Variants in IMPA1 observed in about 807,000 individuals in gnomAD.
The protein encoded by IMPA1 is inositol monophosphatase 1.
Under a neutral mutation model 34.9 loss-of-function variants are expected in IMPA1, and 21 were observed. The ratio of observed to expected loss-of-function variants is 0.60; its 90% CI spans 0.43 to 0.87. The LOEUF (loss-of-function observed/expected upper bound fraction) is 0.87. Ranked by LOEUF, IMPA1 falls within the 40% of genes least tolerant of loss-of-function variation. The pLI is 0.00. For synonymous variants in IMPA1, 95 were observed against 104.4 expected, an observed-to-expected ratio of 0.91 and a Z score of 0.55; for missense variants, 299 against 336.4, an observed-to-expected ratio of 0.89 and a Z score of 0.87.
intron 1 of IMPA1, among the ~76,000 whole-genome samples, chr8:81,683,298 C>T (rs1585905289): frequency 6.6e-6 from 1 of 152,248 alleles, no homozygotes; most frequent in African/African-American, 2.4e-5. Flanking sequence ...ATTGTGGCTA[C>T]TCAACAGAAG....
Position 81,670,954 on chromosome 8 carries a change from CA to C in IMPA1, c.550del (p.Cys184AlafsTer52). 2.0e-6 allele frequency: 3 copies of C among 1,521,414 alleles called. No individual in the cohort carries two copies. Among genetic ancestry groups the C allele is most frequent in the South Asian group, 1.3e-5 (1 of 76,142 alleles). The allele number at this position is 1,521,414 out of a possible 1,614,324, so 94.2% of individuals were successfully genotyped here. A position where few individuals can be genotyped will look rare whatever the true frequency, so the allele number is the denominator to read the frequency against. ...AAGAGCTTACCCATGAACAGGAATG[CA>C]AAAAAGCTTTTCCATATTAGAAAGA... ...MVLSNMEKLFCIPVHGIRSVG... is the reference protein window; with the variant it reads ...MVLSNMEKLFXIPVHGIRSVG... On this transcript the variant is annotated frameshift_variant, in exon 7 of 9. Transcript: ENST00000256108. LOFTEE classifies it high-confidence loss of function.
chr8:81,682,506 AC>A (rs1300198396), intron 1 of IMPA1, among the ~76,000 whole-genome samples: 1 of 152,256 alleles, frequency 6.6e-6, no homozygotes, highest in South Asian at 2.1e-4. Context: ...AAAGACCCAC[AC>A]GCTAAATTTC....
At chr8:81,678,638 G>A (rs1297238501) in intron 4 of IMPA1, 4 of 191,498 alleles carry the variant, frequency 2.1e-5, no homozygotes, top group South Asian at 1.4e-4. Flanking sequence ...GTTGCAGTGA[G>A]CCAAGACTGC....
At chr8:81,663,631 A>C (rs1585889059) in intron 7 of IMPA1, among the ~76,000 whole-genome samples, 1 of 152,236 alleles carries the variant, frequency 6.6e-6, no homozygotes, top group East Asian at 1.9e-4. Context: ...TTCACAAAGA[A>C]AAAGACAGAA....
At chr8:81,682,451 G>C (rs1807328658) in intron 1 of IMPA1, among the ~76,000 whole-genome samples, 1 of 152,076 alleles carries the variant, frequency 6.6e-6, no homozygotes. Flanking sequence ...CTCCTATCTT[G>C]GGGCCCACAT....
rs1163631704 is a variant in IMPA1 at position 81,658,544 on chromosome 8, G to A, written c.*807C>T. 2 of 152,436 alleles carry A rather than the reference G, an allele frequency of 1.3e-5. No homozygotes were observed. Among genetic ancestry groups the A allele is most frequent in the Non-Finnish European group, 2.9e-5 (2 of 67,988 alleles). 9.4% of individuals were successfully genotyped at this position (152,436 alleles called of 1,614,324 possible). A position where few individuals can be genotyped will look rare whatever the true frequency, so the allele number is the denominator to read the frequency against. On this transcript the variant is annotated 3_prime_UTR_variant, in exon 9 of 9. Transcript: ENST00000256108. ...GAGAGTGCTTTTTATTATAGAAATA[G>A]TTTCTTCTCTCTTACACAAGACTTT...
In IMPA1 at chr8:81,684,239, CATAAGT is replaced by C. The variant is rs1436620556; in HGVS notation, c.-25+2007_-25+2012del. The stretch of plus-strand genomic sequence containing the variant: ...TACTATATATAGTATATATACCATA[CATAAGT>C]ATATTTAGATACTATATATAGTATA... On this transcript the variant is annotated intron_variant, in intron 1 of 8. Transcript: ENST00000256108. Among the ~76,000 whole-genome samples the C allele has an allele frequency of 2.1e-5, 3 of 142,454 alleles. No homozygotes were observed. In the East Asian group the frequency reaches 6.0e-4, roughly 28 times the overall value. The allele number at this position is 142,454 out of a possible 152,430, so 93.5% of individuals were successfully genotyped here. A position where few individuals can be genotyped will look rare whatever the true frequency, so the allele number is the denominator to read the frequency against.
At chr8:81,686,018 G>A in intron 1 of IMPA1, 2 of 1,318,834 alleles carry the variant, frequency 1.5e-6, no homozygotes, top group South Asian at 1.6e-5. Context: ...AGCCGCCACA[G>A]AGGTTAAGTG....
chr8:81,671,822 G>A (rs953893851), intron 6 of IMPA1, among the ~76,000 whole-genome samples: 2 of 152,102 alleles, frequency 1.3e-5, no homozygotes, highest in Non-Finnish European at 2.9e-5. Context: ...GCTTAAACCC[G>A]GGAGGCGGAG....
chr8:81,663,639 G>T (rs966740921), intron 7 of IMPA1, among the ~76,000 whole-genome samples: 1 of 152,174 alleles, frequency 6.6e-6, no homozygotes, highest in African/African-American at 2.4e-5. Flanking sequence ...GAAAAAGACA[G>T]AAATAGTAGG....
chr8:81,670,886 T>C (rs80087492), intron 7 of IMPA1, 53 bp downstream of exon 7: 42,334 of 867,360 alleles, frequency 0.049, 1,305 homozygotes, highest in Middle Eastern at 0.092. Context: ...AAAAGGTGTG[T>C]GCACACACAC....
rs1806556218 is a variant in IMPA1 at position 81,657,668 on chromosome 8, C to G, written c.*1683G>C. Among the ~76,000 whole-genome samples, 1 of 151,982 alleles carries G rather than the reference C, an allele frequency of 6.6e-6. No individual in the cohort carries two copies. The highest frequency in any genetic ancestry group is 2.4e-5 in the African/African-American group (1 of 41,374). On this transcript the variant is annotated 3_prime_UTR_variant, in exon 9 of 9. Coordinates refer to ENST00000256108, the MANE Select transcript of IMPA1 (RefSeq NM_005536.4). Reference sequence around the variant, plus strand: ...AATATCATGGCCTGGCTCGGTGGCTCACATCTGTAATCCCAGCACTTTGGG... The same window carrying G: ...AATATCATGGCCTGGCTCGGTGGCTGACATCTGTAATCCCAGCACTTTGGG...
At chr8:81,685,277 GTATA>G (rs1220236834) in intron 1 of IMPA1, among the ~76,000 whole-genome samples, 1 of 127,202 alleles carries the variant, frequency 7.9e-6, no homozygotes, top group Non-Finnish European at 1.6e-5. Context: ...ACTATATATA[GTATA>G]TATAGTATAT....
intron 1 of IMPA1, among the ~76,000 whole-genome samples, chr8:81,682,807 A>G (rs887253765): frequency 2.6e-5 from 4 of 152,164 alleles, no homozygotes; most frequent in Non-Finnish European, 5.9e-5. Flanking sequence ...AGCTACTTCT[A>G]GGGATTCTCC....
intron 5 of IMPA1, chr8:81,674,709 C>T: frequency 5.0e-6 from 2 of 401,978 alleles, no homozygotes; most frequent in Admixed American, 3.1e-5. Flanking sequence ...TTTCTTCCTT[C>T]TCCCATTGCT....
At chr8:81,671,712 A>G (rs11988984) in intron 6 of IMPA1, among the ~76,000 whole-genome samples, 92 of 152,158 alleles carry the variant, frequency 6.0e-4, no homozygotes, top group African/African-American at 2.1e-3. Context: ...CCTGGCCAAC[A>G]TGGTGAAACC....
chr8:81,672,225 A>G (rs1807007842), intron 6 of IMPA1, among the ~76,000 whole-genome samples: 1 of 152,244 alleles, frequency 6.6e-6, no homozygotes, highest in Admixed American at 6.5e-5. Flanking sequence ...TCAATGTGCA[A>G]ACTGTGGAAA....
intron 7 of IMPA1, among the ~76,000 whole-genome samples, chr8:81,665,462 A>C (rs891016861): frequency 4.6e-5 from 7 of 152,176 alleles, no homozygotes; most frequent in Non-Finnish European, 1.0e-4. Flanking sequence ...AATAAAAGAA[A>C]GAAGTAAAAA....
chr8:81,662,639 A>G (rs1219157558), intron 7 of IMPA1, among the ~76,000 whole-genome samples: 1 of 152,172 alleles, frequency 6.6e-6, no homozygotes, highest in African/African-American at 2.4e-5. Flanking sequence ...GATGTCACAA[A>G]GATTTGAGTT....
Sources: gnomAD v4.1 joint callset for allele counts (sites outside exome capture counted in the v4.1 genomes callset) on GRCh38, gnomAD v4.1.1 for gene constraint, MANE v1.5 for transcripts, NCBI Gene and HGNC (gene_info 2026-07-23, HGNC 2026-07-21) for gene names.